The following CLASP1 variants were observed in gnomAD, a reference collection of about 807,000 sequenced individuals.
CLASP1 encodes CLIP-associating protein 1.
A neutral mutation model predicts 192.3 loss-of-function variants in CLASP1; 38 were observed. That is an observed-to-expected ratio of 0.20 (90% CI 0.15 to 0.26). CLASP1 has a LOEUF of 0.26. Among genes scored for constraint, CLASP1 ranks in the 10% least tolerant of loss-of-function variants. The probability of loss-of-function intolerance (pLI) is 1.00; values close to 1 mark genes in which losing one functional copy is unlikely to be tolerated. For synonymous variants in CLASP1, 691 were observed against 712.8 expected, an observed-to-expected ratio of 0.97 and a Z score of 0.49; for missense variants, 1,433 against 1,932.5, an observed-to-expected ratio of 0.74 and a Z score of 4.85.
At chr2:121,643,972 A>C (rs1231992346) in intron 1 of CLASP1, among the ~76,000 whole-genome samples, 2 of 152,302 alleles carry the variant, frequency 1.3e-5, no homozygotes, top group South Asian at 4.1e-4. Context: ...CAAGGTCCCA[A>C]AGAGATTCCA....
At chr2:121,573,339 C>T (rs957974534) in intron 2 of CLASP1, among the ~76,000 whole-genome samples, 1 of 152,194 alleles carries the variant, frequency 6.6e-6, no homozygotes, top group Non-Finnish European at 1.5e-5. Context: ...GCTTAAGAAA[C>T]AGTTTCAAGT....
chr2:121,610,935 A>G (rs1576450215), intron 1 of CLASP1, among the ~76,000 whole-genome samples: 4 of 115,390 alleles, frequency 3.5e-5, no homozygotes, highest in Non-Finnish European at 3.6e-5. Context: ...AGGAGGAGTT[A>G]CAGGAGGAAG....
intron 2 of CLASP1, among the ~76,000 whole-genome samples, chr2:121,586,082 A>C (rs550557420): frequency 2.0e-4 from 30 of 152,240 alleles, no homozygotes; most frequent in Admixed American, 9.2e-4. Flanking sequence ...ACACATACAT[A>C]ATACAAACAT....
intron 2 of CLASP1, among the ~76,000 whole-genome samples, chr2:121,564,406 C>T (rs1394574247): frequency 6.6e-6 from 1 of 152,184 alleles, no homozygotes; most frequent in East Asian, 1.9e-4. Context: ...TTAAGGACTT[C>T]ACCCTAACTT....
chr2:121,511,033 C>G (rs546162253), intron 7 of CLASP1, among the ~76,000 whole-genome samples: 2 of 152,040 alleles, frequency 1.3e-5, no homozygotes, highest in African/African-American at 4.8e-5. Context: ...ACTTACACAA[C>G]TGGCAGAGAG....
chr2:121,589,162 C>G (rs1021125946), intron 2 of CLASP1, among the ~76,000 whole-genome samples: 14 of 152,206 alleles, frequency 9.2e-5, no homozygotes, highest in Non-Finnish European at 1.8e-4. Context: ...ATCTCAACCA[C>G]CACGCTGGCC....
chr2:121,506,525 T>C (rs775235525), intron 7 of CLASP1, among the ~76,000 whole-genome samples: 2 of 151,436 alleles, frequency 1.3e-5, no homozygotes, highest in African/African-American at 2.4e-5. Context: ...GGGGTAGAAA[T>C]TGAGATGTCC....
At position 121,367,825 on chromosome 2, in the gene CLASP1, G is replaced by A. The variant is rs770007213; in HGVS notation, c.3649C>T (p.Arg1217Cys). ...GCAGGGGAGGCAGCGCCCCCATCGC[G>A]GGACACCTGCAGCACAGCACACTGT... The change falls in exon 35 of 40, where the codon CGC (arginine) becomes TGC (cysteine). Residue 1217 changes from arginine (R) to cysteine (C), a missense_variant. By Grantham distance (180) the Arg-to-Cys change is radical. Transcript: ENST00000263710. The A allele has an allele frequency of 1.5e-5, 24 of 1,612,878 alleles. No homozygotes were observed. The highest frequency in any genetic ancestry group is 8.9e-5 in the East Asian group (4 of 44,884).
chr2:121,470,515 AACC>A lies in CLASP1; in HGVS notation c.713-558_713-556del, dbSNP rs554453888. ...TCCTCTGTGATGAAATATTTTTCATAACCACCATTTTAATAATTGTATGGTACT... is the reference window on the plus strand; with the variant it reads ...TCCTCTGTGATGAAATATTTTTCATAACCATTTTAATAATTGTATGGTACT... On this transcript the variant is annotated intron_variant, in intron 8 of 39. Transcript: ENST00000263710. 397 of 367,782 alleles carry A rather than the reference AACC, an allele frequency of 1.1e-3. 2 individuals are homozygous for A. The highest frequency in any genetic ancestry group is 6.0e-3 in the African/African-American group (282 of 46,928). 22.8% of individuals were successfully genotyped at this position (367,782 alleles called of 1,614,324 possible).
At position 121,442,158 on chromosome 2, in the gene CLASP1, T is replaced by A. The variant is rs183114389; in HGVS notation, c.1912+5179A>T. 8.5e-3 allele frequency among the ~76,000 whole-genome samples: 1,302 copies of A among 152,304 alleles called. 20 individuals are homozygous for A. The highest frequency in any genetic ancestry group is 0.028 in the African/African-American group (1,168 of 41,566). ...CTTTTCCTAAGCATACTAGCTTTTT[T>A]AAAAAAGTATGAGAATGCATTCATT... On this transcript the variant is annotated intron_variant, in intron 19 of 39. Coordinates refer to ENST00000263710, the Ensembl canonical transcript of CLASP1.
chr2:121,478,628 CATACACACACACACA>C (rs2091954128), intron 8 of CLASP1, among the ~76,000 whole-genome samples: 6 of 116,998 alleles, frequency 5.1e-5, no homozygotes, highest in African/African-American at 2.1e-4. Context: ...CACACACACA[CATACACACACACACA>C]CCCCCCACAC....
chr2:121,509,005 C>A (rs560332655), intron 7 of CLASP1, among the ~76,000 whole-genome samples: 1 of 152,206 alleles, frequency 6.6e-6, no homozygotes, highest in Admixed American at 6.5e-5. Context: ...AAAGTGACAA[C>A]TGAAGAGAGA....
At chr2:121,542,213 G>A (rs963358339) in intron 2 of CLASP1, among the ~76,000 whole-genome samples, 33 of 152,144 alleles carry the variant, frequency 2.2e-4, no homozygotes, top group Non-Finnish European at 4.4e-5. Flanking sequence ...TACACAAAAC[G>A]ATGATGGATG....
intron 10 of CLASP1, 103 bp from the exon 11 acceptor site, chr2:121,461,296 TA>T (rs1291605720): frequency 3.3e-5 from 22 of 663,004 alleles, no homozygotes; most frequent in South Asian, 2.1e-4. Flanking sequence ...TAAAAGAAAT[TA>T]TTTTTTTAAG....
At chr2:121,345,580 T>TG (rs1377838142) in intron 39 of CLASP1, among the ~76,000 whole-genome samples, 2 of 152,150 alleles carry the variant, frequency 1.3e-5, no homozygotes, top group African/African-American at 4.8e-5. Context: ...GTAGGAGAGC[T>TG]GGGGGGACTT....
intron 2 of CLASP1, among the ~76,000 whole-genome samples, chr2:121,581,435 C>T (rs544603382): frequency 2.6e-5 from 4 of 151,218 alleles, no homozygotes; most frequent in South Asian, 4.2e-4. Context: ...CCACCACGCC[C>T]GGCTAATTTT....
intron 25 of CLASP1, among the ~76,000 whole-genome samples, chr2:121,405,555 CA>C (rs2076789005): frequency 6.6e-6 from 1 of 152,216 alleles, no homozygotes; most frequent in Non-Finnish European, 1.5e-5. Context: ...CTCTCTTCCA[CA>C]AATCATCCCT....
chr2:121,339,128 A>ACCC, exon 40 of CLASP1: 1 of 125,004 alleles, frequency 8.0e-6, no homozygotes. Context: ...AACACACACA[A>ACCC]CACCACACAC....
chr2:121,627,593 C>CT (rs2068629469), intron 1 of CLASP1, among the ~76,000 whole-genome samples: 1 of 152,176 alleles, frequency 6.6e-6, no homozygotes. Flanking sequence ...TTAGGTGTAC[C>CT]TGAGCATGAG....
Sources: allele counts gnomAD v4.1 joint callset (sites outside exome capture counted in the v4.1 genomes callset), GRCh38; gene constraint gnomAD v4.1.1; transcripts MANE v1.5; gene names NCBI Gene and HGNC (gene_info 2026-07-23, HGNC 2026-07-21).